GPC5: variants seen among roughly 807,000 people sequenced by gnomAD.
The protein encoded by GPC5 is glypican-5.
Under a neutral mutation model 53.9 loss-of-function variants are expected in GPC5, and 47 were observed. That is an observed-to-expected ratio of 0.87 (90% CI 0.69 to 1.11). The LOEUF is 1.11. Ranked by LOEUF, GPC5 falls within the 50% of genes most tolerant of loss-of-function variation. The pLI, the probability that GPC5 is intolerant of heterozygous loss-of-function variation, is 0.00. For missense variants in GPC5, 748 were observed against 713.1 expected, an observed-to-expected ratio of 1.05 and a Z score of -0.56; for synonymous variants, 286 against 263.3, an observed-to-expected ratio of 1.09 and a Z score of -0.84.
chr13:92,277,671 T>A (rs866358652), intron 7 of GPC5, among the ~76,000 whole-genome samples: 41 of 152,118 alleles, frequency 2.7e-4, no homozygotes, highest in African/African-American at 8.2e-4. Flanking sequence ...CCTGTAAAAT[T>A]AAATGGTTGA....
At chr13:91,844,663 C>A (rs1045328199) in intron 5 of GPC5, among the ~76,000 whole-genome samples, 2 of 152,094 alleles carry the variant, frequency 1.3e-5, no homozygotes, top group African/African-American at 2.4e-5. Context: ...GGAAATTTAA[C>A]CATCACCTCT....
At chr13:92,563,667 G>A (rs530515746) in intron 7 of GPC5, among the ~76,000 whole-genome samples, 3 of 152,042 alleles carry the variant, frequency 2.0e-5, no homozygotes, top group Admixed American at 2.0e-4. Context: ...ATTTTAGTGA[G>A]TGAAAAACTT....
intron 7 of GPC5, among the ~76,000 whole-genome samples, chr13:92,376,999 A>G (rs1405889931): frequency 6.6e-6 from 1 of 151,110 alleles, no homozygotes; most frequent in Non-Finnish European, 1.5e-5. Flanking sequence ...TGGGTGACCG[A>G]GTGCAACTCC....
intron 7 of GPC5, among the ~76,000 whole-genome samples, chr13:92,567,049 G>C (rs1358733236): frequency 6.6e-6 from 1 of 152,056 alleles, no homozygotes; most frequent in Non-Finnish European, 1.5e-5. Context: ...AGCTGGCATA[G>C]AAGTTGATAA....
At chr13:92,700,732 GC>G (rs552896260) in intron 7 of GPC5, among the ~76,000 whole-genome samples, 141 of 152,090 alleles carry the variant, frequency 9.3e-4, no homozygotes, top group Middle Eastern at 3.4e-3. Flanking sequence ...CTTGTCTCCA[GC>G]TTTTCTCTGA....
intron 7 of GPC5, among the ~76,000 whole-genome samples, chr13:92,379,731 C>A (rs557464334): frequency 1.3e-5 from 2 of 152,204 alleles, no homozygotes; most frequent in South Asian, 4.1e-4. Context: ...TGTATTAGTT[C>A]CTCTCTGTGC....
At chr13:92,299,677 G>A (rs563490489) in intron 7 of GPC5, among the ~76,000 whole-genome samples, 1 of 152,178 alleles carries the variant, frequency 6.6e-6, no homozygotes, top group African/African-American at 2.4e-5. Flanking sequence ...CCCCCAAAAA[G>A]TAAAAGGATT....
At chr13:91,683,212 T>C (rs1316090290) in intron 2 of GPC5, among the ~76,000 whole-genome samples, 1 of 151,958 alleles carries the variant, frequency 6.6e-6, no homozygotes, top group Admixed American at 6.6e-5. Context: ...GTGATGTGGA[T>C]ATAAGCCAAG....
chr13:91,701,125 A>G (rs1001430088), intron 3 of GPC5, among the ~76,000 whole-genome samples: 1 of 152,178 alleles, frequency 6.6e-6, no homozygotes, highest in African/African-American at 2.4e-5. Context: ...TTTATGGTGT[A>G]CAACATGATA....
chr13:92,525,623 T>G (rs1478228724), intron 7 of GPC5, among the ~76,000 whole-genome samples: 1 of 152,062 alleles, frequency 6.6e-6, no homozygotes, highest in Non-Finnish European at 1.5e-5. Context: ...TTCCACCTAG[T>G]ATACTGAATT....
intron 7 of GPC5, among the ~76,000 whole-genome samples, chr13:92,509,164 T>TA (rs1880477130): frequency 2.0e-5 from 3 of 152,324 alleles, no homozygotes; most frequent in African/African-American, 7.2e-5. Flanking sequence ...TATCATGATT[T>TA]ACCCCTGCCT....
intron 2 of GPC5, among the ~76,000 whole-genome samples, chr13:91,647,379 T>G (rs1255161220): frequency 6.6e-6 from 1 of 152,232 alleles, no homozygotes; most frequent in Non-Finnish European, 1.5e-5. Flanking sequence ...AAAAGTTATC[T>G]CTGAATGTTT....
intron 7 of GPC5, among the ~76,000 whole-genome samples, chr13:92,571,210 C>T (rs1252499400): frequency 1.3e-5 from 2 of 152,166 alleles, no homozygotes; most frequent in Admixed American, 6.6e-5. Flanking sequence ...TAATTAGACT[C>T]ATATCTCACA....
intron 6 of GPC5, among the ~76,000 whole-genome samples, chr13:91,953,715 T>G (rs2040048118): frequency 6.6e-6 from 1 of 152,188 alleles, no homozygotes; most frequent in Non-Finnish European, 1.5e-5. Flanking sequence ...AGATACTAAA[T>G]CTGGAAATGT....
intron 6 of GPC5, among the ~76,000 whole-genome samples, chr13:92,008,380 C>T (rs943761220): frequency 6.6e-6 from 1 of 151,980 alleles, no homozygotes; most frequent in African/African-American, 2.4e-5. Context: ...TTTATATTTA[C>T]CTACAGATTG....
intron 2 of GPC5, among the ~76,000 whole-genome samples, chr13:91,653,938 C>T (rs548027022): frequency 1.3e-5 from 2 of 152,224 alleles, no homozygotes; most frequent in Non-Finnish European, 2.9e-5. Flanking sequence ...CTAAACCTAA[C>T]AATTTTCTCG....
chr13:92,527,749 T>C (rs140373458), intron 7 of GPC5, among the ~76,000 whole-genome samples: 173 of 152,272 alleles, frequency 1.1e-3, no homozygotes, highest in African/African-American at 4.0e-3. Context: ...TTTAAATGCA[T>C]TACTTTCATG....
At chr13:92,810,297 A>G (rs1233081848) in intron 7 of GPC5, among the ~76,000 whole-genome samples, 1 of 151,674 alleles carries the variant, frequency 6.6e-6, no homozygotes, top group Non-Finnish European at 1.5e-5. Context: ...ATCTCTAGGT[A>G]AAGCACAGTT....
intron 2 of GPC5, among the ~76,000 whole-genome samples, chr13:91,455,779 C>G (rs1007553123): frequency 1.3e-5 from 2 of 152,068 alleles, no homozygotes; most frequent in African/African-American, 4.8e-5. Context: ...TTGTCTGCCT[C>G]TTTCCTGTCA....
Sources: gnomAD v4.1 joint callset for allele counts (sites outside exome capture counted in the v4.1 genomes callset) on GRCh38, gnomAD v4.1.1 for gene constraint, MANE v1.5 for transcripts, NCBI Gene and HGNC (gene_info 2026-07-23, HGNC 2026-07-21) for gene names.